The following LRRC37A2 variants were observed in gnomAD, a reference collection of about 807,000 sequenced individuals.
LRRC37A2 encodes the protein leucine rich repeat containing 37 member A2, also known as leucine-rich repeat-containing protein 37A2.
A neutral mutation model predicts 68.8 loss-of-function variants in LRRC37A2; 9 were observed. The observed-to-expected ratio is 0.13, with a 90% CI of 0.08 to 0.23. The LOEUF (loss-of-function observed/expected upper bound fraction) is 0.23, where lower values mean the gene tolerates loss of function less well. Among genes scored for constraint, LRRC37A2 ranks in the 10% least tolerant of loss-of-function variants. The pLI, the probability that LRRC37A2 is intolerant of heterozygous loss-of-function variation, is 1.00. For synonymous variants in LRRC37A2, 63 were observed against 367.6 expected (o/e 0.17, Z 9.48); for missense variants, 168 against 950.4 (o/e 0.18, Z 10.82).
the LRRC37A2 span, chr17:46,932,640 C>T: frequency 3.4e-6 from 1 of 294,832 alleles, no homozygotes; most frequent in Non-Finnish European, 6.4e-6. Context: ...GATGTTTTTG[C>T]CCCTAGTCTG....
At chr17:46,547,179 T>A (rs1166929603) in intron 9 of LRRC37A2, 3 of 64,386 alleles carry the variant, frequency 4.7e-5, no homozygotes, top group Non-Finnish European at 9.8e-5. Flanking sequence ...TTTTTTTTTT[T>A]ACCAATTATG....
At chr17:46,948,001 C>G in the LRRC37A2 span, among the ~76,000 whole-genome samples, 6 of 152,338 alleles carry the variant, frequency 3.9e-5, no homozygotes, top group South Asian at 1.2e-3. Flanking sequence ...ATCTCCTGAC[C>G]TCAGGTGATC....
chr17:46,875,163 CG>C, the LRRC37A2 span: 1 of 1,614,036 alleles, frequency 6.2e-7, no homozygotes, highest in South Asian at 1.1e-5. Flanking sequence ...CACCCTGGCC[CG>C]GGCCTGCAGC....
chr17:46,966,577 G>C, the LRRC37A2 span: 1 of 693,928 alleles, frequency 1.4e-6, no homozygotes, highest in Non-Finnish European at 2.6e-6. Flanking sequence ...CCGAACTCCT[G>C]AGCTCAAGAG....
chr17:46,922,024 A>G, the LRRC37A2 span, among the ~76,000 whole-genome samples: 1 of 152,242 alleles, frequency 6.6e-6, no homozygotes, highest in Non-Finnish European at 1.5e-5. Context: ...CTATAAAGAC[A>G]CATTTACATG....
chr17:46,785,096 A>G, the LRRC37A2 span, among the ~76,000 whole-genome samples: 3 of 151,894 alleles, frequency 2.0e-5, no homozygotes, highest in Non-Finnish European at 4.4e-5. Flanking sequence ...TGCTTTTCTT[A>G]TGATGCATCC....
chr17:46,382,371 T>A, the LRRC37A2 span, among the ~76,000 whole-genome samples: 8 of 75,304 alleles, frequency 1.1e-4, no homozygotes, highest in East Asian at 1.5e-3. Context: ...TATTTAAAAA[T>A]TTTTTTTAGA....
At chr17:46,842,950 A>C in the LRRC37A2 span, among the ~76,000 whole-genome samples, 2 of 152,354 alleles carry the variant, frequency 1.3e-5, no homozygotes, top group South Asian at 4.1e-4. Context: ...CCGAGGTCGC[A>C]GAGGAAGCCA....
the LRRC37A2 span, among the ~76,000 whole-genome samples, chr17:46,956,964 A>T: frequency 6.6e-6 from 1 of 152,232 alleles, no homozygotes; most frequent in Non-Finnish European, 1.5e-5. Context: ...AAATAGCTGC[A>T]TAAAGGTTGC....
the LRRC37A2 span, among the ~76,000 whole-genome samples, chr17:46,820,134 A>G: frequency 6.6e-6 from 1 of 152,270 alleles, no homozygotes; most frequent in South Asian, 2.1e-4. Context: ...CTGGCCTTTG[A>G]TCTGAGCCCC....
chr17:46,917,836 A>G, the LRRC37A2 span, among the ~76,000 whole-genome samples: 1 of 152,220 alleles, frequency 6.6e-6, no homozygotes, highest in Non-Finnish European at 1.5e-5. Flanking sequence ...TTGAATAACA[A>G]TGTTGTTCCC....
chr17:46,867,767 G>A, the LRRC37A2 span, among the ~76,000 whole-genome samples: 1 of 152,162 alleles, frequency 6.6e-6, no homozygotes, highest in Middle Eastern at 3.2e-3. Flanking sequence ...GAGATCTGAG[G>A]GTGAGAGTGT....
chr17:46,518,724 CT>C (rs2051801356), intron 3 of LRRC37A2, among the ~76,000 whole-genome samples: 1 of 44,258 alleles, frequency 2.3e-5, no homozygotes, highest in East Asian at 3.6e-4. Context: ...GTTTTCTGGC[CT>C]TTGTTCATTT....
the LRRC37A2 span, among the ~76,000 whole-genome samples, chr17:46,898,515 C>G: frequency 1.3e-5 from 2 of 152,166 alleles, no homozygotes; most frequent in African/African-American, 4.8e-5. Flanking sequence ...TCTGGACTGA[C>G]ACTGTATGTG....
At chr17:46,714,946 T>C in the LRRC37A2 span, among the ~76,000 whole-genome samples, 1 of 152,216 alleles carries the variant, frequency 6.6e-6, no homozygotes, top group Non-Finnish European at 1.5e-5. Flanking sequence ...ATTCGCTTTA[T>C]AAAGATGTAT....
At chr17:46,734,738 G>A in the LRRC37A2 span, among the ~76,000 whole-genome samples, 1 of 152,250 alleles carries the variant, frequency 6.6e-6, no homozygotes, top group East Asian at 1.9e-4. Context: ...ACATATATAT[G>A]TAGATTAATT....
chr17:46,598,546 G>C, the LRRC37A2 span, among the ~76,000 whole-genome samples: 4 of 152,214 alleles, frequency 2.6e-5, no homozygotes, highest in Admixed American at 2.6e-4. Flanking sequence ...GCAGAGATAG[G>C]AGTAAGATAA....
the LRRC37A2 span, among the ~76,000 whole-genome samples, chr17:46,821,688 G>A: frequency 5.3e-4 from 81 of 152,346 alleles, no homozygotes; most frequent in African/African-American, 1.8e-3. Flanking sequence ...GGGGTGGCAC[G>A]TGGGAAGCAC....
the LRRC37A2 span, among the ~76,000 whole-genome samples, chr17:46,788,778 C>T: frequency 6.6e-6 from 1 of 152,108 alleles, no homozygotes; most frequent in Admixed American, 6.5e-5. Context: ...CCTCCTTTCC[C>T]TGCCCTCAGC....
Sources: gnomAD v4.1 joint callset for allele counts (sites outside exome capture counted in the v4.1 genomes callset) on GRCh38, gnomAD v4.1.1 for gene constraint, MANE v1.5 for transcripts, NCBI Gene and HGNC (gene_info 2026-07-23, HGNC 2026-07-21) for gene names.